CRISP2: variants seen among roughly 807,000 people sequenced by gnomAD.
CRISP2 encodes cysteine rich secretory protein 2.
In CRISP2, 29 loss-of-function variants were observed where a neutral mutation model predicts 31.7. The ratio of observed to expected loss-of-function variants is 0.92; its 90% CI spans 0.68 to 1.25. The LOEUF (loss-of-function observed/expected upper bound fraction) is 1.25, where lower values mean the gene tolerates loss of function less well. CRISP2 is among the 50% of genes most tolerant of loss of function. The pLI, the probability that CRISP2 is intolerant of heterozygous loss-of-function variation, is 0.00. For synonymous variants in CRISP2, 111 were observed against 101.4 expected (o/e 1.09, Z -0.57); for missense variants, 318 against 286.5 (o/e 1.11, Z -0.79).
chr6:49,701,132 CTT>C (rs1445904577), intron 4 of CRISP2, among the ~76,000 whole-genome samples: 1 of 151,982 alleles, frequency 6.6e-6, no homozygotes, highest in African/African-American at 2.4e-5. Flanking sequence ...TTCAAGGGAA[CTT>C]TTCAAAAAAT....
At chr6:49,685,248 G>A in the CRISP2 span, among the ~76,000 whole-genome samples, 3 of 152,180 alleles carry the variant, frequency 2.0e-5, no homozygotes, top group East Asian at 1.9e-4. Flanking sequence ...TTAGAAAGTC[G>A]TAAGACAGCA....
At position 49,700,709 on chromosome 6, in the gene CRISP2, T is replaced by G; in HGVS notation, c.142A>C (p.Arg48=). The G allele has an allele frequency of 6.2e-7, 1 of 1,612,690 alleles. No homozygotes were observed. Among genetic ancestry groups the G allele is most frequent in the Non-Finnish European group, 8.5e-7 (1 of 1,179,074 alleles). ...REIVNKHNEL[R]KAVSPPASNM... ...CTGGCAGGTGGAGAGACTGCTTTCC[T>G]TAGTTCATTGTGTTTATTTACAATC... The change falls in exon 5 of 10, where the codon AGG becomes CGG. Residue 48 remains arginine, a synonymous_variant. Coordinates refer to ENST00000339139, the MANE Select transcript of CRISP2 (RefSeq NM_003296.4).
In CRISP2 at chr6:49,700,028, G is replaced by A. The variant is rs1260222995; in HGVS notation, c.184-137C>T. On this transcript the variant is annotated intron_variant, in intron 5 of 9. Transcript: ENST00000339139. ...ACTACTGTTATTAAAATGTTTTTAA[G>A]TGTTTTTATCTCTTCTGGTGCCAGT... The A allele has an allele frequency of 2.4e-5, 19 of 782,630 alleles. No individual in the cohort carries two copies. In the East Asian group the frequency reaches 3.9e-4, roughly 16 times the overall value. 48.5% of individuals were successfully genotyped at this position (782,630 alleles called of 1,614,324 possible).
chr6:49,694,361 G>A (rs769268717), intron 9 of CRISP2, among the ~76,000 whole-genome samples: 1 of 152,172 alleles, frequency 6.6e-6, no homozygotes, highest in African/African-American at 2.4e-5. Flanking sequence ...TAGTTGACCA[G>A]TAGTACTGGG....
intron 4 of CRISP2, among the ~76,000 whole-genome samples, chr6:49,701,500 G>GTATATATATA (rs1165518459): frequency 6.7e-4 from 31 of 46,548 alleles, no homozygotes; most frequent in African/African-American, 2.9e-3. Context: ...GTGTGTGTGT[G>GTATATATATA]TATATATATA....
At chr6:49,698,740 C>T (rs1765175520) in intron 6 of CRISP2, among the ~76,000 whole-genome samples, 1 of 152,138 alleles carries the variant, frequency 6.6e-6, no homozygotes, top group African/African-American at 2.4e-5. Context: ...TAGGTTAACA[C>T]TCTGCTCCTT....
chr6:49,690,784 A>C (rs145743202), downstream of CRISP2, among the ~76,000 whole-genome samples: 575 of 152,206 alleles, frequency 3.8e-3, 1 homozygote, highest in African/African-American at 0.013. Flanking sequence ...TACAGTATCT[A>C]AGAATTTACT....
chr6:49,690,900 G>C (rs995892385), downstream of CRISP2, among the ~76,000 whole-genome samples: 1 of 150,964 alleles, frequency 6.6e-6, no homozygotes, highest in African/African-American at 2.4e-5. Flanking sequence ...GAGAAAAAGT[G>C]TTTTGAGTGT....
chr6:49,679,788 C>T, the CRISP2 span, among the ~76,000 whole-genome samples: 1 of 152,090 alleles, frequency 6.6e-6, no homozygotes, highest in Non-Finnish European at 1.5e-5. Flanking sequence ...TCACTGCAAC[C>T]TCTGCCTGCT....
At chr6:49,704,956 C>A (rs538042236) in intron 4 of CRISP2, among the ~76,000 whole-genome samples, 13 of 152,024 alleles carry the variant, frequency 8.6e-5, no homozygotes, top group African/African-American at 3.1e-4. Context: ...TGTAACAGCT[C>A]GAGTTGGTTT....
chr6:49,682,650 CTTTCT>C, the CRISP2 span, among the ~76,000 whole-genome samples: 12,086 of 68,184 alleles, frequency 0.18, 725 homozygotes, highest in African/African-American at 0.26. Context: ...TTTCTTCTTT[CTTTCT>C]TTTCTTTCTT....
At chr6:49,700,067 G>A (rs1183389689) in intron 5 of CRISP2, among the ~76,000 whole-genome samples, 176 bp from the exon 6 acceptor site, 2 of 152,064 alleles carry the variant, frequency 1.3e-5, no homozygotes, top group Non-Finnish European at 2.9e-5. Flanking sequence ...CACATGATGG[G>A]TAGTCCATAG....
intron 4 of CRISP2, among the ~76,000 whole-genome samples, chr6:49,707,450 C>T (rs1384951434): frequency 1.3e-5 from 2 of 152,178 alleles, no homozygotes; most frequent in South Asian, 2.1e-4. Context: ...TGATTTCAAA[C>T]ATTTAGTGGT....
chr6:49,688,015 C>T (rs902356920), downstream of CRISP2, among the ~76,000 whole-genome samples: 1 of 152,154 alleles, frequency 6.6e-6, no homozygotes, highest in Admixed American at 6.6e-5. Context: ...CTTTGATATG[C>T]CGAGGGACTG....
chr6:49,712,378 T>G (rs998884731), intron 2 of CRISP2, 123 bp downstream of exon 2: 24 of 152,202 alleles, frequency 1.6e-4, no homozygotes, highest in Admixed American at 1.6e-3. Flanking sequence ...ATGTCACTGT[T>G]GGTGAGAGTA....
the CRISP2 span, among the ~76,000 whole-genome samples, chr6:49,684,032 T>C: frequency 1.3e-5 from 2 of 152,042 alleles, no homozygotes; most frequent in Non-Finnish European, 1.5e-5. Flanking sequence ...CATGCTTTGA[T>C]GTTCCTTGGC....
At chr6:49,708,980 A>C in intron 4 of CRISP2, 151 bp downstream of exon 4, 1 of 656,762 alleles carries the variant, frequency 1.5e-6, no homozygotes, top group Non-Finnish European at 2.7e-6. Context: ...TTGGCCTTTC[A>C]TCTCAATAAT....
intron 9 of CRISP2, among the ~76,000 whole-genome samples, chr6:49,695,285 C>T (rs1764555845): frequency 6.6e-6 from 1 of 151,908 alleles, no homozygotes; most frequent in Non-Finnish European, 1.5e-5. Context: ...TGAGTTTTGT[C>T]ATAAAAATGT....
chr6:49,700,905 A>G lies in CRISP2; in HGVS notation c.67-121T>C, dbSNP rs138084148. ...AAAGTGCAAAATAGTTATCATGTAC[A>G]TATATTAAATACTAAAGTTATTTAA... On this transcript the variant is annotated intron_variant, in intron 4 of 9. Coordinates refer to ENST00000339139, the MANE Select transcript of CRISP2 (RefSeq NM_003296.4). 8.5e-4 allele frequency: 489 copies of G among 575,126 alleles called. 6 individuals are homozygous for G. Among genetic ancestry groups the G allele is most frequent in the African/African-American group, 7.9e-3 (412 of 52,058 alleles). The allele number at this position is 575,126 out of a possible 1,614,324, so 35.6% of individuals were successfully genotyped here.
Sources: allele counts gnomAD v4.1 joint callset (sites outside exome capture counted in the v4.1 genomes callset), GRCh38; gene constraint gnomAD v4.1.1; transcripts MANE v1.5; gene names NCBI Gene and HGNC (gene_info 2026-07-23, HGNC 2026-07-21).